The following ZNF569 variants were observed in gnomAD, a reference collection of about 807,000 sequenced individuals.
The protein encoded by ZNF569 is DNA-binding protein.
A neutral mutation model predicts 56.3 loss-of-function variants in ZNF569; 38 were observed. The ratio of observed to expected loss-of-function variants is 0.68; its 90% CI spans 0.52 to 0.88. The LOEUF is 0.88. ZNF569 is among the 40% of genes least tolerant of loss of function. The pLI is 0.00. For synonymous variants in ZNF569, 241 were observed against 262.9 expected, an observed-to-expected ratio of 0.92 and a Z score of 0.81; for missense variants, 666 against 809.2, an observed-to-expected ratio of 0.82 and a Z score of 2.15.
intron 2 of ZNF569, among the ~76,000 whole-genome samples, chr19:37,458,440 A>C (rs1404669682): frequency 6.6e-6 from 1 of 152,216 alleles, no homozygotes. Context: ...CCTAAAAACT[A>C]TCTCTTGATT....
At chr19:37,422,351 C>T (rs2041052632) in intron 5 of ZNF569, among the ~76,000 whole-genome samples, 1 of 152,144 alleles carries the variant, frequency 6.6e-6, no homozygotes, top group African/African-American at 2.4e-5. Context: ...ACACATACAA[C>T]ATTTAACATC....
Position 37,413,977 on chromosome 19 carries a change from T to G in ZNF569, c.681A>C (p.Glu227Asp). 6.2e-7 allele frequency: 1 copy of G among 1,613,658 alleles called. No individual in the cohort carries two copies. Among genetic ancestry groups the G allele is most frequent in the Non-Finnish European group, 8.5e-7 (1 of 1,179,930 alleles). The change falls in exon 6 of 6, where the codon GAA (glutamate) becomes GAC (aspartate). Residue 227 changes from glutamate (E) to aspartate (D), a missense_variant. Coordinates refer to ENST00000316950, the MANE Select transcript of ZNF569 (RefSeq NM_152484.3). ...GAATTTTATAATGTTTAATAAGTTT[T>G]TCCTTGTGACTGAAGGCTTTTCTAC... is the stretch of plus-strand genomic sequence containing the variant. ...SNCRKAFSHK[E>D]KLIKHYKIHS... is the part of the protein sequence containing the mutation.
chr19:37,430,824 C>T (rs2041213891), intron 3 of ZNF569, among the ~76,000 whole-genome samples: 1 of 152,214 alleles, frequency 6.6e-6, no homozygotes, highest in African/African-American at 2.4e-5. Flanking sequence ...CTAACGCCAT[C>T]CCTCCCCTAT....
At chr19:37,422,006 T>C (rs1419377155) in intron 5 of ZNF569, among the ~76,000 whole-genome samples, 1 of 152,130 alleles carries the variant, frequency 6.6e-6, no homozygotes, top group Non-Finnish European at 1.5e-5. Context: ...GGCCTCAGCC[T>C]GCCAAAGTGT....
At chr19:37,418,136 A>AT (rs59840412) in intron 5 of ZNF569, among the ~76,000 whole-genome samples, 1 of 144,878 alleles carries the variant, frequency 6.9e-6, no homozygotes, top group African/African-American at 2.5e-5. Context: ...AATAATAATA[A>AT]AATAAAGTTC....
At chr19:37,466,746 CCA>C (rs2041846017) in intron 1 of ZNF569, 1 of 152,348 alleles carries the variant, frequency 6.6e-6, no homozygotes, top group South Asian at 2.1e-4. Context: ...TACCTTGTAT[CCA>C]CAGTTTTTCA....
chr19:37,459,242 A>T (rs1299092735), intron 2 of ZNF569, among the ~76,000 whole-genome samples: 2 of 152,080 alleles, frequency 1.3e-5, no homozygotes, highest in Non-Finnish European at 2.9e-5. Context: ...TACCAAAAAA[A>T]ACCACACGTG....
chr19:37,467,903 T>C (rs887646202), upstream of ZNF569: 33 of 1,535,986 alleles, frequency 2.1e-5, no homozygotes, highest in Non-Finnish European at 2.9e-5. Context: ...GTGCATGTAT[T>C]TGTTCTTTCT....
At chr19:37,455,925 G>A (rs554206588) in intron 2 of ZNF569, among the ~76,000 whole-genome samples, 139 of 152,280 alleles carry the variant, frequency 9.1e-4, no homozygotes, top group African/African-American at 3.2e-3. Context: ...AAAGCCAGTT[G>A]CAACTACAGG....
chr19:37,443,476 A>C (rs1439205668), intron 3 of ZNF569, among the ~76,000 whole-genome samples: 1 of 152,218 alleles, frequency 6.6e-6, no homozygotes, highest in Non-Finnish European at 1.5e-5. Flanking sequence ...GAAAACCACA[A>C]GTATTCACAG....
chr19:37,451,996 C>A (rs1014627853), intron 2 of ZNF569, among the ~76,000 whole-genome samples: 1 of 152,162 alleles, frequency 6.6e-6, no homozygotes, highest in Non-Finnish European at 1.5e-5. Context: ...CTTCTTCCTT[C>A]ATCTCTTCTC....
At chr19:37,462,834 A>G (rs181876623) in intron 2 of ZNF569, among the ~76,000 whole-genome samples, 29 of 152,314 alleles carry the variant, frequency 1.9e-4, no homozygotes, top group Admixed American at 1.8e-3. Flanking sequence ...TTATATGCTG[A>G]TAATTCCCAA....
chr19:37,420,143 C>A (rs987254513), intron 5 of ZNF569, among the ~76,000 whole-genome samples: 7 of 151,746 alleles, frequency 4.6e-5, no homozygotes, highest in Middle Eastern at 3.4e-3. Context: ...TGCGCCACCA[C>A]GCCAGGCTAA....
At chr19:37,467,635 GA>G, upstream of ZNF569, 1 of 580,172 alleles carries the variant, frequency 1.7e-6, no homozygotes, top group African/African-American at 1.9e-5. Flanking sequence ...TGAAGGTGGT[GA>G]GAGCTCCAGG....
chr19:37,453,159 T>C (rs1011642379), intron 2 of ZNF569, among the ~76,000 whole-genome samples: 8 of 152,168 alleles, frequency 5.3e-5, no homozygotes, highest in South Asian at 2.1e-4. Flanking sequence ...GGCGTACTGG[T>C]TGCACAAACC....
upstream of ZNF569, chr19:37,467,603 C>A: frequency 1.9e-6 from 1 of 518,974 alleles, no homozygotes; most frequent in Non-Finnish European, 3.4e-6. Context: ...GGGTCTCTAC[C>A]TGAGGCTAGA....
At chr19:37,425,319 T>TA (rs36105058) in intron 5 of ZNF569, among the ~76,000 whole-genome samples, 1 of 46,094 alleles carries the variant, frequency 2.2e-5, no homozygotes, top group Non-Finnish European at 3.7e-5. Context: ...ACGTGGCTAA[T>TA]TTTTTTTTTT....
At chr19:37,452,749 G>A (rs2041615110) in intron 2 of ZNF569, among the ~76,000 whole-genome samples, 1 of 152,090 alleles carries the variant, frequency 6.6e-6, no homozygotes, top group African/African-American at 2.4e-5. Context: ...TCAAAATTCT[G>A]TGTTTGACTT....
intron 2 of ZNF569, chr19:37,454,703 G>A (rs975323030): frequency 1.7e-6 from 1 of 596,478 alleles, no homozygotes; most frequent in Non-Finnish European, 3.0e-6. Context: ...GATTCCCAGA[G>A]GAAAAGCCTA....
Sources: allele counts gnomAD v4.1 joint callset (sites outside exome capture counted in the v4.1 genomes callset), GRCh38; gene constraint gnomAD v4.1.1; transcripts MANE v1.5; gene names NCBI Gene and HGNC (gene_info 2026-07-23, HGNC 2026-07-21).